Variants in YBX3 observed in about 807,000 individuals in gnomAD.
The protein encoded by YBX3 is Y-box-binding protein 3.
YBX3 carries 29 observed loss-of-function variants against 42.4 expected under a neutral mutation model. The ratio of observed to expected loss-of-function variants is 0.68; its 90% CI spans 0.51 to 0.93. YBX3 has a LOEUF of 0.93. Ranked by LOEUF, YBX3 falls within the 40% of genes least tolerant of loss-of-function variation. The pLI, the probability that YBX3 is intolerant of heterozygous loss-of-function variation, is 0.00. For missense variants in YBX3, 517 were observed against 527.5 expected, an observed-to-expected ratio of 0.98 and a Z score of 0.19; for synonymous variants, 195 against 189.8, an observed-to-expected ratio of 1.03 and a Z score of -0.22.
intron 8 of YBX3, 152 bp from the exon 9 acceptor site, chr12:10,701,505 C>T: frequency 3.2e-6 from 2 of 615,950 alleles, no homozygotes; most frequent in Non-Finnish European, 5.8e-6. Flanking sequence ...AAATTAGTAC[C>T]ATATTCAGTC....
In YBX3 at chr12:10,699,647, T is replaced by A. The variant is rs1948057670; in HGVS notation, c.*42A>T. ...TATTTCTGAATGGTCATTAATTCTTTAGGTCACCTGGGAAAAATTAAAATC... is the reference window on the plus strand; with the variant it reads ...TATTTCTGAATGGTCATTAATTCTTAAGGTCACCTGGGAAAAATTAAAATC... On this transcript the variant is annotated 3_prime_UTR_variant, in exon 10 of 10. Transcript: ENST00000228251. 1 of 152,636 alleles carries A rather than the reference T, an allele frequency of 6.6e-6. No homozygotes were observed. Among genetic ancestry groups the A allele is most frequent in the Non-Finnish European group, 1.5e-5 (1 of 68,040 alleles). 9.5% of individuals were successfully genotyped at this position (152,636 alleles called of 1,614,324 possible). A position where few individuals can be genotyped will look rare whatever the true frequency, so the allele number is the denominator to read the frequency against.
At chr12:10,708,641 TTCAG>T (rs1018255475) in intron 6 of YBX3, among the ~76,000 whole-genome samples, 19 of 152,216 alleles carry the variant, frequency 1.2e-4, no homozygotes, top group African/African-American at 4.6e-4. Flanking sequence ...AAGTCAGCCA[TTCAG>T]TCAATTAACT....
intron 1 of YBX3, among the ~76,000 whole-genome samples, chr12:10,722,597 C>T (rs1039991094): frequency 8.5e-5 from 13 of 152,210 alleles, no homozygotes; most frequent in African/African-American, 3.1e-4. Flanking sequence ...ACTTTCTGGC[C>T]CGGAACCAGA....
At chr12:10,716,719 G>A (rs1162898070) in intron 3 of YBX3, among the ~76,000 whole-genome samples, 2 of 152,130 alleles carry the variant, frequency 1.3e-5, no homozygotes, top group Non-Finnish European at 2.9e-5. Flanking sequence ...CTCTGAGTAG[G>A]AGGGAAAAGA....
In YBX3 at chr12:10,702,014, G is replaced by T; in HGVS notation, c.999C>A (p.Tyr333Ter). ...GAGGACGCGGGCGACGCCGGTAATT[G>T]TAGGGACGCCGGTATCCACGGCGAA... ...PSVRRGYRRP[Y>*]NYRRRPRPPN... The change falls in exon 8 of 10, where the codon TAC becomes TAA. Residue 333 changes from tyrosine (Y) to a stop codon, truncating the protein, a stop_gained. Transcript: ENST00000228251. LOFTEE classifies it high-confidence loss of function. 4 of 1,614,100 alleles carry T rather than the reference G, an allele frequency of 2.5e-6. No individual in the cohort carries two copies. Among genetic ancestry groups the T allele is most frequent in the Non-Finnish European group, 3.4e-6 (4 of 1,179,990 alleles).
At chr12:10,715,813 T>C (rs749285066) in intron 3 of YBX3, 30 bp from the exon 4 acceptor site, 8 of 1,582,910 alleles carry the variant, frequency 5.1e-6, no homozygotes, top group Non-Finnish European at 6.9e-6. Flanking sequence ...TTTTATTCGA[T>C]GTATATTTCA....
Position 10,699,644 on chromosome 12 carries a change from CT to C in YBX3, c.*44del, listed in dbSNP as rs1278173071. 8 of 152,486 alleles carry C rather than the reference CT, an allele frequency of 5.2e-5. No homozygotes were observed. The highest frequency in any genetic ancestry group is 1.0e-4 in the Non-Finnish European group (7 of 68,012). The allele number at this position is 152,486 out of a possible 1,614,324, so 9.4% of individuals were successfully genotyped here. A position where few individuals can be genotyped will look rare whatever the true frequency, so the allele number is the denominator to read the frequency against. On this transcript the variant is annotated 3_prime_UTR_variant, in exon 10 of 10. Transcript: ENST00000228251. ...CTTTATTTCTGAATGGTCATTAATT[CT>C]TTAGGTCACCTGGGAAAAATTAAAA... is the stretch of plus-strand genomic sequence containing the variant.
intron 4 of YBX3, among the ~76,000 whole-genome samples, chr12:10,714,991 C>T (rs900405859): frequency 5.3e-5 from 8 of 151,688 alleles, no homozygotes; most frequent in African/African-American, 1.9e-4. Context: ...CTCAGGAGAT[C>T]CGCCTGCCTC....
chr12:10,723,289 C>G lies in YBX3; in HGVS notation c.-178G>C. ...CGGAGGCGGCTCGAGCTTCGTGCTG[C>G]GCGCTCTCTCTTGGGCTCCTCGCTC... On this transcript the variant is annotated 5_prime_UTR_variant, in exon 1 of 10. Transcript: ENST00000228251. 1 of 1,048,234 alleles carries G rather than the reference C, an allele frequency of 9.5e-7. No homozygotes were observed. Among genetic ancestry groups the G allele is most frequent in the Non-Finnish European group, 1.2e-6 (1 of 839,074 alleles). 64.9% of individuals were successfully genotyped at this position (1,048,234 alleles called of 1,614,324 possible). A position where few individuals can be genotyped will look rare whatever the true frequency, so the allele number is the denominator to read the frequency against.
intron 1 of YBX3, among the ~76,000 whole-genome samples, chr12:10,719,678 T>C (rs560539991): frequency 2.0e-5 from 3 of 152,358 alleles, no homozygotes; most frequent in African/African-American, 7.2e-5. Flanking sequence ...AGAATAATTA[T>C]AGAACTGCTG....
intron 5 of YBX3, 53 bp downstream of exon 5, chr12:10,713,157 AT>A: frequency 6.4e-7 from 1 of 1,570,460 alleles, no homozygotes. Flanking sequence ...CATACACTTA[AT>A]TCCATGCATG....
intron 3 of YBX3, chr12:10,716,026 T>C (rs980613553): frequency 2.1e-6 from 1 of 469,124 alleles, no homozygotes. Flanking sequence ...AACATGTTTT[T>C]TCTATAACTG....
Position 10,713,328 on chromosome 12 carries a change from T to C in YBX3, c.456A>G (p.Ala152=), listed in dbSNP as rs373142854. Residue 152 remains alanine, a synonymous_variant, in exon 5 of 10, where the codon GCA becomes GCG. Coordinates refer to ENST00000228251, the MANE Select transcript of YBX3 (RefSeq NM_003651.5). The stretch of plus-strand genomic sequence containing the variant: ...CCGGGCCAGTCACATTGGCAGCTTC[T>C]GCACCCTGAGAAGAAAATAAAAAGA... ...EFDVVEGEKG[A]EAANVTGPDG... 1.4e-5 allele frequency: 23 copies of C among 1,610,750 alleles called. 1 individual carries two copies. The highest frequency in any genetic ancestry group is 1.2e-4 in the South Asian group (11 of 90,532).
rs375943386 is a variant in YBX3, at chr12:10,715,747, G to A, written c.397C>T (p.Arg133Cys). The A allele has an allele frequency of 5.0e-5, 81 of 1,613,842 alleles. No homozygotes were observed. The highest frequency in any genetic ancestry group is 6.1e-5 in the Non-Finnish European group (72 of 1,179,978). ...IKKNNPRKYL[R>C]SVGDGETVEF... ...ACAGTTTCTCCATCTCCTACACTGCGCAGATATTTCCGTGGGTTATTCTTC... is the reference window on the plus strand; with the variant it reads ...ACAGTTTCTCCATCTCCTACACTGCACAGATATTTCCGTGGGTTATTCTTC... Residue 133 changes from arginine to cysteine, a missense_variant, in exon 4 of 10, where the codon CGC becomes TGC. Arg to Cys is a radical substitution (Grantham distance 180). This residue lies in a region of YBX3 where 420 missense variants were observed against 408.5 expected (regional missense o/e 1.03). Coordinates refer to ENST00000228251, the MANE Select transcript of YBX3 (RefSeq NM_003651.5).
chr12:10,717,911 T>C (rs555912355), intron 3 of YBX3, 177 bp downstream of exon 3: 3 of 471,996 alleles, frequency 6.4e-6, no homozygotes, highest in Non-Finnish European at 1.1e-5. Context: ...TATGATGGGG[T>C]AGAAGAACTT....
At chr12:10,704,860 CTA>C (rs761489553) in intron 6 of YBX3, among the ~76,000 whole-genome samples, 2 of 152,222 alleles carry the variant, frequency 1.3e-5, no homozygotes, top group African/African-American at 2.4e-5. Flanking sequence ...TATCCCTTCA[CTA>C]TGTTTTCACC....
At position 10,710,195 on chromosome 12, in the gene YBX3, C is replaced by A. The variant is rs1459795739; in HGVS notation, c.574-81G>T. ...AGAACACCATTTAGGATGAATATCA[C>A]CAAAATAAAATCTCCCCAAAGCAAT... On this transcript the variant is annotated intron_variant, in intron 5 of 9. Transcript: ENST00000228251. 6 of 1,545,002 alleles carry A rather than the reference C, an allele frequency of 3.9e-6. No homozygotes were observed. In the African/African-American group the frequency reaches 6.8e-5, roughly 18 times the overall value.
At chr12:10,715,543 T>TAAA in intron 4 of YBX3, 151 bp downstream of exon 4, 10 of 595,252 alleles carry the variant, frequency 1.7e-5, no homozygotes, top group Non-Finnish European at 2.3e-5. Context: ...GACCCCATCT[T>TAAA]AAAAAAAAAA....
intron 7 of YBX3, 128 bp downstream of exon 7, chr12:10,703,923 G>T (rs141718228): frequency 1.9e-5 from 16 of 826,244 alleles, no homozygotes; most frequent in Middle Eastern, 4.6e-4. Context: ...TGAAAACTCT[G>T]GCATGTAGTC....
Sources: gnomAD v4.1 joint callset for allele counts (sites outside exome capture counted in the v4.1 genomes callset) on GRCh38, gnomAD v4.1.1 for gene constraint, gnomAD v4.1.1 regional missense constraint, MANE v1.5 for transcripts, NCBI Gene and HGNC (gene_info 2026-07-23, HGNC 2026-07-21) for gene names.